Variants in UGT1A8 observed in about 807,000 individuals in gnomAD.
UGT1A8 encodes UDP glucuronosyltransferase family 1 member A8, also known as UDP-glucuronosyltransferase 1A8.
In UGT1A8, 39 loss-of-function variants were observed where a neutral mutation model predicts 45.3. The ratio of observed to expected loss-of-function variants is 0.86; its 90% CI spans 0.67 to 1.12. UGT1A8 has a LOEUF of 1.12. Ranked by LOEUF, UGT1A8 falls within the 50% of genes most tolerant of loss-of-function variation. UGT1A8 has a pLI of 0.00. For missense variants in UGT1A8, 719 were observed against 664.9 expected (o/e 1.08, Z -0.90); for synonymous variants, 275 against 249.2 (o/e 1.10, Z -0.97).
At chr2:233,673,890 C>T (rs556955067) in intron 1 of UGT1A8, among the ~76,000 whole-genome samples, 7 of 152,234 alleles carry the variant, frequency 4.6e-5, no homozygotes, top group South Asian at 2.1e-4. Context: ...GATATTTATA[C>T]CACTTATTTT....
intron 1 of UGT1A8, chr2:233,690,762 C>T (rs2075009022): frequency 1.3e-6 from 1 of 787,480 alleles, no homozygotes; most frequent in Non-Finnish European, 1.6e-6. Context: ...TGCAGACATA[C>T]ACACACACAC....
intron 1 of UGT1A8, among the ~76,000 whole-genome samples, chr2:233,710,386 G>A (rs1450809479): frequency 2.0e-5 from 3 of 152,194 alleles, no homozygotes; most frequent in Non-Finnish European, 2.9e-5. Flanking sequence ...TAACAGCAAC[G>A]CATTAGAGTT....
chr2:233,710,147 T>C (rs2076113994), intron 1 of UGT1A8, among the ~76,000 whole-genome samples: 1 of 152,240 alleles, frequency 6.6e-6, no homozygotes, highest in South Asian at 2.1e-4. Context: ...TATAGATATA[T>C]CATCATTTGC....
At chr2:233,630,279 A>G (rs1023078956) in intron 1 of UGT1A8, among the ~76,000 whole-genome samples, 2 of 152,120 alleles carry the variant, frequency 1.3e-5, no homozygotes, top group South Asian at 2.1e-4. Context: ...GCAAATGTCT[A>G]GTACCAGTTA....
intron 1 of UGT1A8, among the ~76,000 whole-genome samples, chr2:233,678,146 A>G (rs1575422727): frequency 6.6e-6 from 1 of 152,208 alleles, no homozygotes. Flanking sequence ...GATGGCAACA[A>G]TAGACACTAT....
intron 1 of UGT1A8, chr2:233,755,251 C>A (rs1287732511): frequency 2.4e-6 from 2 of 830,672 alleles, no homozygotes; most frequent in Non-Finnish European, 3.6e-6. Context: ...ACTCCCAGCA[C>A]CTCGTAGTAG....
intron 1 of UGT1A8, chr2:233,636,853 A>C (rs747736341): frequency 3.7e-6 from 6 of 1,614,146 alleles, no homozygotes; most frequent in Non-Finnish European, 4.2e-6. Flanking sequence ...TCTATTAATG[A>C]GTTCATCCAG....
chr2:233,682,881 T>G (rs780627124), intron 1 of UGT1A8: 119 of 1,513,054 alleles, frequency 7.9e-5, no homozygotes, highest in Non-Finnish European at 9.6e-5. Flanking sequence ...TCATTTACAT[T>G]TGTCCCATTT....
At chr2:233,630,692 A>G (rs2073170817) in intron 1 of UGT1A8, among the ~76,000 whole-genome samples, 1 of 152,114 alleles carries the variant, frequency 6.6e-6, no homozygotes, top group Admixed American at 6.6e-5. Flanking sequence ...CAGGAGCAAG[A>G]GAGAGACAGG....
chr2:233,704,256 C>CCTT (rs1553607929), intron 1 of UGT1A8, among the ~76,000 whole-genome samples: 3 of 123,680 alleles, frequency 2.4e-5, no homozygotes, highest in African/African-American at 9.8e-5. Context: ...GCCTTTATTG[C>CCTT]TTTTTTTTTT....
rs539398300 is a variant in UGT1A8 at position 233,755,129 on chromosome 2, C to T, written c.856-11905C>T. The T allele has an allele frequency of 4.5e-6, 6 of 1,320,750 alleles. No individual in the cohort carries two copies. The South Asian group carries it at 5.7e-5, about 13-fold the overall frequency. 81.8% of individuals were successfully genotyped at this position (1,320,750 alleles called of 1,614,324 possible). ...ACACCTCGTAGGCCTCAGCCACCTG[C>T]TTGAATCTTCTCACCGCTTCCTCCC... On this transcript the variant is annotated intron_variant, in intron 1 of 4. Transcript: ENST00000373450.
At chr2:233,694,057 G>A (rs1437140382) in intron 1 of UGT1A8, among the ~76,000 whole-genome samples, 2 of 152,344 alleles carry the variant, frequency 1.3e-5, no homozygotes, top group East Asian at 3.9e-4. Context: ...GCATTCGGAT[G>A]AAGACAGGGC....
intron 1 of UGT1A8, chr2:233,719,148 T>C (rs763386476): frequency 6.2e-7 from 1 of 1,614,150 alleles, no homozygotes; most frequent in African/African-American, 1.3e-5. Context: ...TCTGAAGAGA[T>C]ATTCTAGAAG....
chr2:233,743,768 G>C lies in UGT1A8; in HGVS notation c.856-23266G>C, dbSNP rs1559387872. The C allele has an allele frequency of 2.9e-6, 4 of 1,367,228 alleles. No individual in the cohort carries two copies. In the African/African-American group the frequency reaches 5.9e-5, roughly 20 times the overall value. 84.7% of individuals were successfully genotyped at this position (1,367,228 alleles called of 1,614,324 possible). A position where few individuals can be genotyped will look rare whatever the true frequency, so the allele number is the denominator to read the frequency against. ...GTCCGACAACACCTCGTAGGCCTCGGCCACCTGCTTGAATCTCCTCTCCGC... is the reference window on the plus strand; with the variant it reads ...GTCCGACAACACCTCGTAGGCCTCGCCCACCTGCTTGAATCTCCTCTCCGC... On this transcript the variant is annotated intron_variant, in intron 1 of 4. Coordinates refer to ENST00000373450, the MANE Select transcript of UGT1A8 (RefSeq NM_019076.5).
At chr2:233,752,528 TC>T (rs1436450769) in intron 1 of UGT1A8, 1 of 152,210 alleles carries the variant, frequency 6.6e-6, no homozygotes, top group African/African-American at 2.4e-5. Context: ...TTCTAAAAAT[TC>T]TTTAAATAAA....
chr2:233,627,626 TTCC>T (rs2073109309), intron 1 of UGT1A8, among the ~76,000 whole-genome samples: 2 of 82,000 alleles, frequency 2.4e-5, no homozygotes, highest in Admixed American at 1.2e-4. Context: ...CCTTCCTTTC[TTCC>T]TTCCTTCCTT....
intron 1 of UGT1A8, among the ~76,000 whole-genome samples, 180 bp from the exon 2 acceptor site, chr2:233,766,854 A>G (rs966764700): frequency 6.6e-6 from 1 of 152,226 alleles, no homozygotes. Flanking sequence ...CTCCTTTAGA[A>G]GGAAGTAAAG....
At chr2:233,693,528 C>T (rs116011063) in intron 1 of UGT1A8, 36 of 1,614,040 alleles carry the variant, frequency 2.2e-5, no homozygotes, top group Non-Finnish European at 2.7e-5. Context: ...AGGGGTTTTC[C>T]GTGTTCCCTG....
chr2:233,644,726 C>T (rs901407416), intron 1 of UGT1A8, among the ~76,000 whole-genome samples: 9 of 152,196 alleles, frequency 5.9e-5, no homozygotes, highest in South Asian at 2.1e-4. Flanking sequence ...TATGCCACAC[C>T]GCCACTGTGG....
Sources: allele counts gnomAD v4.1 joint callset (sites outside exome capture counted in the v4.1 genomes callset), GRCh38; gene constraint gnomAD v4.1.1; transcripts MANE v1.5; gene names NCBI Gene and HGNC (gene_info 2026-07-23, HGNC 2026-07-21).